RNLS: variants seen among roughly 807,000 people sequenced by gnomAD.
RNLS encodes renalase.
A neutral mutation model predicts 39.8 loss-of-function variants in RNLS; 39 were observed. The ratio of observed to expected loss-of-function variants is 0.98; its 90% CI spans 0.76 to 1.28. The LOEUF (loss-of-function observed/expected upper bound fraction) is 1.28. Among genes scored for constraint, RNLS ranks in the 50% most tolerant of loss-of-function variants. The pLI is 0.00. For synonymous variants in RNLS, 147 were observed against 150.7 expected, an observed-to-expected ratio of 0.98 and a Z score of 0.18; for missense variants, 410 against 413.3, an observed-to-expected ratio of 0.99 and a Z score of 0.07.
chr10:88,187,117 T>C, the RNLS span, among the ~76,000 whole-genome samples: 1 of 146,720 alleles, frequency 6.8e-6, no homozygotes, highest in South Asian at 2.1e-4. Context: ...TGAGAAACGC[T>C]GGCATCTGCT....
In RNLS at chr10:88,478,905, T is replaced by TTC. The variant is rs917482807; in HGVS notation, c.526+93996_526+93997dup. The stretch of plus-strand genomic sequence containing the variant: ...TCTTTCTTTCTTTCTCTTTCTTTCT[T>TTC]TCTCTCTCTCTCTCTTTCTGTCTGT... On this transcript the variant is annotated intron_variant, in intron 4 of 6. Transcript: ENST00000331772. Among the ~76,000 whole-genome samples, 6 of 150,566 alleles carry TTC rather than the reference T, an allele frequency of 4.0e-5. No homozygotes were observed. The South Asian group carries it at 6.3e-4, about 16-fold the overall frequency.
At chr10:88,353,903 G>A (rs1221823186) in intron 5 of RNLS, among the ~76,000 whole-genome samples, 2 of 152,186 alleles carry the variant, frequency 1.3e-5, no homozygotes, top group African/African-American at 2.4e-5. Context: ...CCTGTATTGG[G>A]TGCATATATA....
chr10:88,320,061 T>G lies in RNLS; in HGVS notation c.701-5420A>C, dbSNP rs115637360. ...CTGAAAAAAAGGGATAAATTACCCATAAAGGAAATACCATTAGACTAACAG... is the reference window on the plus strand; with the variant it reads ...CTGAAAAAAAGGGATAAATTACCCAGAAAGGAAATACCATTAGACTAACAG... On this transcript the variant is annotated intron_variant, in intron 5 of 6. Transcript: ENST00000331772. 2.4e-3 allele frequency among the ~76,000 whole-genome samples: 364 copies of G among 150,460 alleles called. 2 individuals carry two copies. The highest frequency in any genetic ancestry group is 8.4e-3 in the African/African-American group (345 of 40,880).
the RNLS span, among the ~76,000 whole-genome samples, chr10:88,259,914 G>T: frequency 6.6e-6 from 1 of 152,028 alleles, no homozygotes; most frequent in Non-Finnish European, 1.5e-5. Flanking sequence ...GCTAATTTTT[G>T]CAGTTTTAGT....
intron 4 of RNLS, among the ~76,000 whole-genome samples, chr10:88,420,141 T>C (rs1018629493): frequency 3.3e-5 from 5 of 152,066 alleles, no homozygotes; most frequent in Non-Finnish European, 7.4e-5. Flanking sequence ...CCTAGATATG[T>C]AGTTCATGTC....
chr10:88,372,572 A>T (rs1850652888), intron 4 of RNLS, among the ~76,000 whole-genome samples: 1 of 152,146 alleles, frequency 6.6e-6, no homozygotes, highest in Non-Finnish European at 1.5e-5. Flanking sequence ...TAAGCATGGG[A>T]TTAGAAAAAA....
At chr10:88,569,661 A>C (rs1028228643) in intron 4 of RNLS, among the ~76,000 whole-genome samples, 10 of 152,348 alleles carry the variant, frequency 6.6e-5, no homozygotes, top group Non-Finnish European at 1.3e-4. Context: ...TCTGAACTTA[A>C]GCATAAACAA....
At chr10:88,326,450 T>A (rs1210991572) in intron 5 of RNLS, among the ~76,000 whole-genome samples, 6 of 152,214 alleles carry the variant, frequency 3.9e-5, no homozygotes, top group Non-Finnish European at 4.4e-5. Context: ...GCCCTAGAGA[T>A]GTGTGGAACT....
At chr10:88,238,130 C>G in the RNLS span, among the ~76,000 whole-genome samples, 1 of 152,320 alleles carries the variant, frequency 6.6e-6, no homozygotes, top group South Asian at 2.1e-4. Context: ...ATTCAACAGT[C>G]AACAAGCATT....
At position 88,401,857 on chromosome 10, in the gene RNLS, T is replaced by A. The variant is rs183217635; in HGVS notation, c.527-39132A>T. On this transcript the variant is annotated intron_variant, in intron 4 of 6. Coordinates refer to ENST00000331772, the MANE Select transcript of RNLS (RefSeq NM_001031709.3). ...GAGGGTGTTTTGCCTAATCCAACTATGGGTAGTGCACAGTGTCTGTGACTC... is the reference window on the plus strand; with the variant it reads ...GAGGGTGTTTTGCCTAATCCAACTAAGGGTAGTGCACAGTGTCTGTGACTC... 5.1e-4 allele frequency among the ~76,000 whole-genome samples: 77 copies of A among 152,072 alleles called. 1 individual carries two copies. The highest frequency in any genetic ancestry group is 2.4e-3 in the Admixed American group (36 of 15,228).
intron 4 of RNLS, among the ~76,000 whole-genome samples, chr10:88,377,102 C>CTTGAG (rs1299202650): frequency 7.9e-5 from 12 of 152,018 alleles, no homozygotes; most frequent in African/African-American, 2.7e-4. Flanking sequence ...GTTAGCTACA[C>CTTGAG]TTGAGTTTCT....
At chr10:88,410,018 T>C (rs530471021) in intron 4 of RNLS, among the ~76,000 whole-genome samples, 3 of 152,176 alleles carry the variant, frequency 2.0e-5, no homozygotes, top group African/African-American at 7.2e-5. Flanking sequence ...CCACAGACAA[T>C]GTGTAAATGA....
chr10:88,205,872 G>T, the RNLS span, among the ~76,000 whole-genome samples: 1 of 152,144 alleles, frequency 6.6e-6, no homozygotes, highest in Admixed American at 6.6e-5. Flanking sequence ...AAGGCAAATA[G>T]AAAATGTCCA....
At chr10:88,309,508 C>T in intron 6 of RNLS, 1 of 1,226,140 alleles carries the variant, frequency 8.2e-7, no homozygotes, top group Non-Finnish European at 1.1e-6. Context: ...TCAGCCATTG[C>T]ACATTTCCCC....
At chr10:88,332,271 T>C (rs752382524) in intron 5 of RNLS, among the ~76,000 whole-genome samples, 11 of 152,280 alleles carry the variant, frequency 7.2e-5, no homozygotes, top group Non-Finnish European at 7.3e-5. Context: ...GCAGGGACTT[T>C]TGTAGTATTT....
At chr10:88,331,117 A>T (rs1242258264) in intron 5 of RNLS, among the ~76,000 whole-genome samples, 5 of 152,236 alleles carry the variant, frequency 3.3e-5, no homozygotes, top group African/African-American at 7.2e-5. Context: ...TTCTGTAGCC[A>T]TATGAAGAAT....
chr10:88,236,753 G>A, the RNLS span, among the ~76,000 whole-genome samples: 1 of 152,196 alleles, frequency 6.6e-6, no homozygotes, highest in Non-Finnish European at 1.5e-5. Context: ...AAAGCAGACA[G>A]CCCCTGCTTT....
chr10:88,430,546 C>T (rs946435088), intron 4 of RNLS, among the ~76,000 whole-genome samples: 2 of 151,952 alleles, frequency 1.3e-5, no homozygotes, highest in African/African-American at 4.8e-5. Flanking sequence ...GTAGTAACAG[C>T]AGCCATCCTT....
the RNLS span, among the ~76,000 whole-genome samples, chr10:88,259,536 A>G: frequency 6.6e-6 from 1 of 152,206 alleles, no homozygotes; most frequent in Non-Finnish European, 1.5e-5. Flanking sequence ...AATTTTGGCC[A>G]ATCTGCACAC....
Sources: gnomAD v4.1 joint callset for allele counts (sites outside exome capture counted in the v4.1 genomes callset) on GRCh38, gnomAD v4.1.1 for gene constraint, MANE v1.5 for transcripts, NCBI Gene and HGNC (gene_info 2026-07-23, HGNC 2026-07-21) for gene names.